The following FLT1 variants were observed in gnomAD, a reference collection of about 807,000 sequenced individuals.
The protein encoded by FLT1 is fms related receptor tyrosine kinase 1.
Under a neutral mutation model 156.3 loss-of-function variants are expected in FLT1, and 49 were observed. The observed-to-expected ratio is 0.31, with a 90% CI of 0.25 to 0.40. FLT1 has a LOEUF of 0.40. FLT1 is among the 10% of genes least tolerant of loss of function. The pLI is 1.00. For synonymous variants in FLT1, 594 were observed against 583.8 expected (o/e 1.02, Z -0.25); for missense variants, 1,322 against 1,637.2 (o/e 0.81, Z 3.32).
chr13:28,480,635 T>A (rs180974137), intron 1 of FLT1, among the ~76,000 whole-genome samples: 2 of 152,350 alleles, frequency 1.3e-5, no homozygotes, highest in East Asian at 3.9e-4. Flanking sequence ...CTAAGCTTCA[T>A]CTTTCCTTTT....
intron 12 of FLT1, among the ~76,000 whole-genome samples, chr13:28,394,745 C>T (rs962595928): frequency 2.0e-5 from 3 of 152,144 alleles, no homozygotes. Flanking sequence ...GTTTATGGGG[C>T]CAAGTGAGCA....
At chr13:28,319,103 G>T (rs968451450) in intron 24 of FLT1, among the ~76,000 whole-genome samples, 1 of 152,152 alleles carries the variant, frequency 6.6e-6, no homozygotes, top group Admixed American at 6.5e-5. Flanking sequence ...GGGTGTTGAG[G>T]AATTGGAAAA....
intron 14 of FLT1, among the ~76,000 whole-genome samples, chr13:28,370,559 C>T (rs759905782): frequency 6.6e-5 from 10 of 152,184 alleles, no homozygotes; most frequent in African/African-American, 2.4e-4. Context: ...CAAAAACACA[C>T]GTATTTCTAA....
At chr13:28,421,283 C>A (rs1056219296) in intron 10 of FLT1, among the ~76,000 whole-genome samples, 1 of 152,150 alleles carries the variant, frequency 6.6e-6, no homozygotes, top group Non-Finnish European at 1.5e-5. Context: ...TAGAAAACCC[C>A]CCATTTTATC....
chr13:28,437,261 G>A (rs551060163), intron 4 of FLT1, among the ~76,000 whole-genome samples: 2 of 152,312 alleles, frequency 1.3e-5, no homozygotes, highest in African/African-American at 4.8e-5. Flanking sequence ...GAAGGCCTAC[G>A]TGAGTAACAA....
chr13:28,437,089 C>T (rs957912480), intron 4 of FLT1, among the ~76,000 whole-genome samples: 4 of 152,148 alleles, frequency 2.6e-5, no homozygotes, highest in African/African-American at 9.7e-5. Context: ...GTATGACCTG[C>T]GAAGTTCCTG....
intron 9 of FLT1, 77 bp downstream of exon 9, chr13:28,427,675 G>A (rs774305798): frequency 9.1e-5 from 116 of 1,277,344 alleles, no homozygotes; most frequent in East Asian, 2.1e-4. Context: ...ATGTTGTTAC[G>A]CTGATTTTTG....
intron 4 of FLT1, 90 bp downstream of exon 4, chr13:28,438,131 G>A: frequency 7.4e-7 from 1 of 1,359,288 alleles, no homozygotes; most frequent in Non-Finnish European, 1.1e-6. Flanking sequence ...GTGTTTGTAA[G>A]GAAATTATTC....
intron 28 of FLT1, among the ~76,000 whole-genome samples, chr13:28,307,009 T>C (rs868813465): frequency 4.6e-5 from 7 of 152,152 alleles, no homozygotes; most frequent in South Asian, 4.1e-4. Flanking sequence ...TAAATACATT[T>C]AGGCAAAAGG....
At chr13:28,370,533 T>A (rs1873514259) in intron 14 of FLT1, among the ~76,000 whole-genome samples, 1 of 152,204 alleles carries the variant, frequency 6.6e-6, no homozygotes, top group Non-Finnish European at 1.5e-5. Context: ...TTAAAATGAA[T>A]CCTTTGAAAC....
Position 28,303,365 on chromosome 13 carries a change from C to T in FLT1, c.3819G>A (p.Leu1273=), listed in dbSNP as rs764203306. 6.2e-7 allele frequency: 1 copy of T among 1,613,574 alleles called. No individual in the cohort carries two copies. The highest frequency in any genetic ancestry group is 1.1e-5 in the South Asian group (1 of 91,052). The part of the protein sequence containing the change: ...SKPKASLKID[L]RVTSKSKESG... ...ACTCCTTACTTTTACTGGTTACTCT[C>T]AAGCTAAAGAAAGAAAGGAAAGAAA... Residue 1273 remains leucine, a synonymous_variant, in exon 30 of 30, where the codon TTG becomes TTA. Coordinates refer to ENST00000282397, the MANE Select transcript of FLT1 (RefSeq NM_002019.4).
At position 28,322,133 on chromosome 13, in the gene FLT1, G is replaced by A. The variant is rs1871486330; in HGVS notation, c.3051+129C>T. ...ACTCCTCATATCAAGGCAAATTAAG[G>A]CACTTGCAGTGGTGTTTGTTCTACA... is the stretch of plus-strand genomic sequence containing the variant. On this transcript the variant is annotated intron_variant, in intron 22 of 29. Transcript: ENST00000282397. The surrounding 1 kb of genome is among the most constrained non-coding windows in gnomAD (Gnocchi z 4.3). The A allele has an allele frequency of 1.4e-6, 1 of 706,738 alleles. No homozygotes were observed. Among genetic ancestry groups the A allele is most frequent in the African/African-American group, 1.8e-5 (1 of 56,602 alleles). 43.8% of individuals were successfully genotyped at this position (706,738 alleles called of 1,614,324 possible). A position where few individuals can be genotyped will look rare whatever the true frequency, so the allele number is the denominator to read the frequency against.
intron 24 of FLT1, 68 bp downstream of exon 24, chr13:28,319,355 G>C: frequency 9.4e-7 from 1 of 1,060,552 alleles, no homozygotes; most frequent in Non-Finnish European, 1.4e-6. Flanking sequence ...TCTAACCAAA[G>C]GACATTCAGC....
intron 3 of FLT1, among the ~76,000 whole-genome samples, chr13:28,457,190 A>T (rs1025127636): frequency 1.3e-5 from 2 of 152,108 alleles, no homozygotes; most frequent in Non-Finnish European, 2.9e-5. Context: ...ACACACACAC[A>T]CACATAGACA....
At chr13:28,473,794 GAAAGAA>G (rs1396923938) in intron 1 of FLT1, among the ~76,000 whole-genome samples, 1 of 115,130 alleles carries the variant, frequency 8.7e-6, no homozygotes, top group Non-Finnish European at 1.8e-5. Flanking sequence ...AAGAAAGAAA[GAAAGAA>G]AGAAAGAAAG....
intron 1 of FLT1, among the ~76,000 whole-genome samples, chr13:28,477,420 A>G (rs1282812899): frequency 6.6e-6 from 1 of 152,232 alleles, no homozygotes; most frequent in Non-Finnish European, 1.5e-5. Context: ...AATGAGTTCA[A>G]AAACCACCTC....
chr13:28,380,479 T>G (rs913016035), intron 14 of FLT1, among the ~76,000 whole-genome samples: 1 of 152,272 alleles, frequency 6.6e-6, no homozygotes, highest in African/African-American at 2.4e-5. Context: ...CTAAAGGCTA[T>G]AGTGGTTTTA....
At chr13:28,326,780 C>T (rs902196459) in intron 20 of FLT1, among the ~76,000 whole-genome samples, 2 of 152,178 alleles carry the variant, frequency 1.3e-5, no homozygotes, top group Non-Finnish European at 2.9e-5. Flanking sequence ...CCTGCCTCAG[C>T]CCCCAAAGTT....
At chr13:28,417,905 T>G (rs777336532) in intron 10 of FLT1, among the ~76,000 whole-genome samples, 1 of 152,168 alleles carries the variant, frequency 6.6e-6, no homozygotes, top group Non-Finnish European at 1.5e-5. Context: ...TCATGTTTCC[T>G]CCTTCATTTT....
Sources: gnomAD v4.1 joint callset for allele counts (sites outside exome capture counted in the v4.1 genomes callset) on GRCh38, gnomAD v4.1.1 for gene constraint, Gnocchi (gnomAD v3.1) non-coding constraint, MANE v1.5 for transcripts, NCBI Gene and HGNC (gene_info 2026-07-23, HGNC 2026-07-21) for gene names.